PALM2AKAP2: variants seen among roughly 807,000 people sequenced by gnomAD.
PALM2AKAP2 encodes the protein PALM2-AKAP2 fusion protein.
A neutral mutation model predicts 71.5 loss-of-function variants in PALM2AKAP2; 37 were observed. The ratio of observed to expected loss-of-function variants is 0.52; its 90% CI spans 0.40 to 0.68. The LOEUF (loss-of-function observed/expected upper bound fraction) is 0.68. PALM2AKAP2 is among the 30% of genes least tolerant of loss of function. The pLI is 0.00. For missense variants in PALM2AKAP2, 1,224 were observed against 1,191.8 expected (o/e 1.03, Z -0.40); for synonymous variants, 468 against 478.8 (o/e 0.98, Z 0.29).
intron 1 of PALM2AKAP2, among the ~76,000 whole-genome samples, chr9:109,772,463 T>C (rs1829283520): frequency 6.6e-6 from 1 of 152,226 alleles, no homozygotes; most frequent in Admixed American, 6.5e-5. Context: ...CATTCAAATA[T>C]AGGTTTGGCA....
At chr9:109,668,561 G>A (rs1017917917) in intron 1 of PALM2AKAP2, among the ~76,000 whole-genome samples, 1 of 152,174 alleles carries the variant, frequency 6.6e-6, no homozygotes, top group African/African-American at 2.4e-5. Context: ...GTGTGTCTGG[G>A]CAAAGGCAAA....
At chr9:109,889,158 C>CT (rs1432167598) in intron 3 of PALM2AKAP2, among the ~76,000 whole-genome samples, 1 of 152,184 alleles carries the variant, frequency 6.6e-6, no homozygotes, top group Admixed American at 6.5e-5. Context: ...AAAGGCTTCT[C>CT]TTATGCACTG....
chr9:110,041,643 G>A (rs1005957409), intron 7 of PALM2AKAP2, among the ~76,000 whole-genome samples: 6 of 152,184 alleles, frequency 3.9e-5, no homozygotes, highest in African/African-American at 1.4e-4. Context: ...GGAAGCCAGA[G>A]ACCCTGGAGA....
chr9:109,702,237 C>T (rs1355353844), intron 1 of PALM2AKAP2, among the ~76,000 whole-genome samples: 1 of 152,172 alleles, frequency 6.6e-6, no homozygotes, highest in African/African-American at 2.4e-5. Context: ...CATCCCATTA[C>T]TGGGTATATA....
chr9:109,890,641 G>A (rs567374422), intron 3 of PALM2AKAP2, among the ~76,000 whole-genome samples: 2 of 152,338 alleles, frequency 1.3e-5, no homozygotes, highest in African/African-American at 2.4e-5. Flanking sequence ...CACACTAAGA[G>A]ATGACTTAGG....
At chr9:109,838,636 C>T (rs1266062195) in intron 1 of PALM2AKAP2, among the ~76,000 whole-genome samples, 5 of 151,990 alleles carry the variant, frequency 3.3e-5, no homozygotes, top group African/African-American at 1.2e-4. Context: ...ACTAGCAAGA[C>T]TAATAAAGAA....
chr9:110,144,638 G>A (rs1381149088), intron 2 of PALM2AKAP2, among the ~76,000 whole-genome samples: 1 of 152,046 alleles, frequency 6.6e-6, no homozygotes, highest in East Asian at 1.9e-4. Flanking sequence ...AACACAACTG[G>A]CAGGTTCTGG....
chr9:110,034,719 C>T (rs1202616269), intron 7 of PALM2AKAP2, among the ~76,000 whole-genome samples: 5 of 151,332 alleles, frequency 3.3e-5, no homozygotes, highest in African/African-American at 1.2e-4. Flanking sequence ...ATTCTCCTGC[C>T]TCAGCCTCCT....
intron 6 of PALM2AKAP2, among the ~76,000 whole-genome samples, chr9:109,951,613 CT>C (rs1831643770): frequency 6.6e-6 from 1 of 152,226 alleles, no homozygotes; most frequent in Non-Finnish European, 1.5e-5. Context: ...CTCCAGTGTG[CT>C]TCAGAATCAC....
At chr9:109,951,664 C>T (rs1374368843) in intron 6 of PALM2AKAP2, among the ~76,000 whole-genome samples, 1 of 152,204 alleles carries the variant, frequency 6.6e-6, no homozygotes, top group African/African-American at 2.4e-5. Flanking sequence ...TTAGTCACAC[C>T]TCTGGAACTC....
chr9:109,865,986 G>A (rs1245835305), intron 1 of PALM2AKAP2, among the ~76,000 whole-genome samples: 1 of 152,140 alleles, frequency 6.6e-6, no homozygotes, highest in Non-Finnish European at 1.5e-5. Flanking sequence ...CATCAATTAT[G>A]CACCATTGAT....
At chr9:109,918,269 G>A (rs1830740935) in intron 3 of PALM2AKAP2, among the ~76,000 whole-genome samples, 2 of 152,150 alleles carry the variant, frequency 1.3e-5, no homozygotes, top group African/African-American at 4.8e-5. Context: ...GAGCATGATC[G>A]ATGCACTTCC....
intron 1 of PALM2AKAP2, among the ~76,000 whole-genome samples, chr9:109,855,303 G>C (rs1275961922): frequency 6.6e-6 from 1 of 152,110 alleles, no homozygotes; most frequent in Non-Finnish European, 1.5e-5. Context: ...GAACTCCTGA[G>C]CTCAAGCAAT....
chr9:110,032,562 G>T (rs995226376), intron 7 of PALM2AKAP2, among the ~76,000 whole-genome samples: 1 of 151,484 alleles, frequency 6.6e-6, no homozygotes, highest in Admixed American at 6.6e-5. Flanking sequence ...ATGGTGGCGC[G>T]TGCCTGTAGT....
chr9:110,030,049 C>T (rs964122676), intron 7 of PALM2AKAP2, among the ~76,000 whole-genome samples: 2 of 152,208 alleles, frequency 1.3e-5, no homozygotes, highest in African/African-American at 2.4e-5. Flanking sequence ...TCTGAAATTT[C>T]GTTGAAAAAT....
intron 1 of PALM2AKAP2, among the ~76,000 whole-genome samples, chr9:109,844,863 A>G (rs574777615): frequency 6.6e-6 from 1 of 151,572 alleles, no homozygotes; most frequent in Non-Finnish European, 1.5e-5. Context: ...GTCATACCTC[A>G]CCTGTGCTGT....
chr9:110,087,247 G>A (rs931931764), intron 1 of PALM2AKAP2, among the ~76,000 whole-genome samples: 4 of 152,142 alleles, frequency 2.6e-5, no homozygotes, highest in Non-Finnish European at 5.9e-5. Flanking sequence ...CCCCTTTTGT[G>A]CTCTCCATCA....
intron 1 of PALM2AKAP2, among the ~76,000 whole-genome samples, chr9:109,744,257 C>T (rs765257259): frequency 5.9e-5 from 9 of 152,028 alleles, no homozygotes; most frequent in Admixed American, 1.3e-4. Flanking sequence ...GGAGTTCCAA[C>T]CTCAAAATTA....
At chr9:109,929,509 T>G (rs1486697097) in intron 5 of PALM2AKAP2, among the ~76,000 whole-genome samples, 1 of 152,140 alleles carries the variant, frequency 6.6e-6, no homozygotes, top group Non-Finnish European at 1.5e-5. Flanking sequence ...TTGTGCTGCT[T>G]TGGGGCACAG....
Sources: gnomAD v4.1 joint callset for allele counts (sites outside exome capture counted in the v4.1 genomes callset) on GRCh38, gnomAD v4.1.1 for gene constraint, MANE v1.5 for transcripts, NCBI Gene and HGNC (gene_info 2026-07-23, HGNC 2026-07-21) for gene names.